The following TOX2 variants were observed in gnomAD, a reference collection of about 807,000 sequenced individuals.
TOX2 encodes TOX high mobility group box family member 2.
Under a neutral mutation model 47.4 loss-of-function variants are expected in TOX2, and 15 were observed. That is an observed-to-expected ratio of 0.32 (90% CI 0.21 to 0.49). The LOEUF (loss-of-function observed/expected upper bound fraction) is 0.49, where lower values mean the gene tolerates loss of function less well. TOX2 is among the 20% of genes least tolerant of loss of function. TOX2 has a pLI of 0.99. For missense variants in TOX2, 622 were observed against 673.1 expected (o/e 0.92, Z 0.84); for synonymous variants, 290 against 296.6 (o/e 0.98, Z 0.23).
At chr20:44,007,993 G>A (rs1046654569) in intron 3 of TOX2, among the ~76,000 whole-genome samples, 1 of 152,082 alleles carries the variant, frequency 6.6e-6, no homozygotes, top group Non-Finnish European at 1.5e-5. Context: ...CAGAGAAGAG[G>A]GTGATTACTG....
At chr20:43,968,043 G>T (rs1172911502) in intron 1 of TOX2, among the ~76,000 whole-genome samples, 2 of 152,014 alleles carry the variant, frequency 1.3e-5, no homozygotes, top group Admixed American at 6.5e-5. Context: ...TATTTCTGTT[G>T]GACAGTGCTA....
intron 8 of TOX2, among the ~76,000 whole-genome samples, chr20:44,067,581 T>G (rs77829937): frequency 0.011 from 1,647 of 152,238 alleles, 25 homozygotes; most frequent in African/African-American, 0.033. Flanking sequence ...CCCTTCTCCC[T>G]GCACCCCAGT....
intron 1 of TOX2, among the ~76,000 whole-genome samples, chr20:43,932,635 T>A (rs1299436526): frequency 6.6e-6 from 1 of 152,212 alleles, no homozygotes; most frequent in African/African-American, 2.4e-5. Flanking sequence ...GGGTCTTCTC[T>A]GCACATAGGA....
chr20:44,009,035 G>C (rs1021779304), intron 3 of TOX2, among the ~76,000 whole-genome samples: 2 of 152,176 alleles, frequency 1.3e-5, no homozygotes, highest in African/African-American at 4.8e-5. Context: ...TACACCTGTG[G>C]CACAGGAGGA....
chr20:44,039,164 GA>G (rs2071291897), intron 3 of TOX2: 2 of 1,267,690 alleles, frequency 1.6e-6, no homozygotes, highest in African/African-American at 3.1e-5. Flanking sequence ...CAGAGGCTTG[GA>G]AAGAGGGTGA....
chr20:44,010,155 C>T (rs758034024), intron 3 of TOX2, among the ~76,000 whole-genome samples: 4 of 152,184 alleles, frequency 2.6e-5, no homozygotes, highest in Admixed American at 1.3e-4. Flanking sequence ...CCTTAAGTCT[C>T]ATTTACCTAA....
At chr20:43,973,617 C>T (rs1014974884) in intron 2 of TOX2, among the ~76,000 whole-genome samples, 185 bp downstream of exon 2, 9 of 152,164 alleles carry the variant, frequency 5.9e-5, no homozygotes, top group African/African-American at 1.2e-4. Flanking sequence ...CTATAGTGTT[C>T]GTAAATTAAC....
intron 1 of TOX2, among the ~76,000 whole-genome samples, chr20:43,951,445 C>T (rs4276082): frequency 0.47 from 70,744 of 151,516 alleles, 19,868 homozygotes; most frequent in South Asian, 0.63. Context: ...GGTATGGTGG[C>T]GCACACCTGT....
chr20:43,916,859 G>A lies in TOX2; in HGVS notation c.99+1869G>A, dbSNP rs2069060449. The stretch of plus-strand genomic sequence containing the variant: ...CAGGGTGGGGCTGTCCCAAATAGGG[G>A]CCTTTGGAGGCAGGACTCAGCCGAG... On this transcript the variant is annotated intron_variant, in intron 1 of 8. Coordinates refer to ENST00000341197, the MANE Select transcript of TOX2 (RefSeq NM_001098797.2). The surrounding 1 kb of genome is among the most constrained non-coding windows in gnomAD (Gnocchi z 5.0). 6.6e-5 allele frequency among the ~76,000 whole-genome samples: 10 copies of A among 152,178 alleles called. No homozygotes were observed. The South Asian group carries it at 2.1e-3, about 31-fold the overall frequency.
chr20:43,916,282 C>G lies in TOX2; in HGVS notation c.99+1292C>G. The stretch of plus-strand genomic sequence containing the variant: ...CAACCTCGCAGGCTTTTCGTCAGGC[C>G]CCTGGTAGTGGGGATGAGGCAGGAG... On this transcript the variant is annotated intron_variant, in intron 1 of 8. Transcript: ENST00000341197. The surrounding 1 kb of genome is among the most constrained non-coding windows in gnomAD (Gnocchi z 5.0). 1.0e-6 allele frequency: 1 copy of G among 958,924 alleles called. No homozygotes were observed. The highest frequency in any genetic ancestry group is 1.2e-6 in the Non-Finnish European group (1 of 805,788). 59.4% of individuals were successfully genotyped at this position (958,924 alleles called of 1,614,324 possible). A position where few individuals can be genotyped will look rare whatever the true frequency, so the allele number is the denominator to read the frequency against.
At chr20:43,966,648 G>A (rs1465800209) in intron 1 of TOX2, among the ~76,000 whole-genome samples, 1 of 152,032 alleles carries the variant, frequency 6.6e-6, no homozygotes, top group African/African-American at 2.4e-5. Context: ...CAGCTACTCA[G>A]GAGGCTGAGG....
intron 2 of TOX2, among the ~76,000 whole-genome samples, chr20:44,000,443 G>A (rs1033822130): frequency 1.3e-5 from 2 of 152,216 alleles, no homozygotes; most frequent in Non-Finnish European, 2.9e-5. Context: ...GAAGGATGGA[G>A]TGGCCATTAG....
chr20:43,990,494 C>G (rs949760641), intron 2 of TOX2, among the ~76,000 whole-genome samples: 7 of 152,212 alleles, frequency 4.6e-5, no homozygotes, highest in African/African-American at 1.4e-4. Flanking sequence ...TTTGTGGTGC[C>G]ACCACCTGGG....
chr20:43,980,635 G>A (rs1399739780), intron 2 of TOX2, among the ~76,000 whole-genome samples: 1 of 151,904 alleles, frequency 6.6e-6, no homozygotes, highest in East Asian at 1.9e-4. Context: ...GTACACCTAT[G>A]TACACACAAA....
chr20:43,999,029 G>C (rs948675015), intron 2 of TOX2, among the ~76,000 whole-genome samples: 1 of 152,106 alleles, frequency 6.6e-6, no homozygotes, highest in Non-Finnish European at 1.5e-5. Flanking sequence ...CAAAGTTCTC[G>C]GATTACAGGC....
At chr20:44,068,537 G>C in intron 8 of TOX2, 113 bp from the exon 9 acceptor site, 2 of 1,201,260 alleles carry the variant, frequency 1.7e-6, no homozygotes, top group South Asian at 1.5e-5. Context: ...TTCAGCCACA[G>C]AGGGGCAGCT....
At chr20:44,034,051 C>T (rs1033410078) in intron 3 of TOX2, among the ~76,000 whole-genome samples, 1 of 152,192 alleles carries the variant, frequency 6.6e-6, no homozygotes, top group African/African-American at 2.4e-5. Context: ...TCCAACAAGT[C>T]CCAGCCTCTG....
chr20:43,966,902 A>G (rs1028117377), intron 1 of TOX2, among the ~76,000 whole-genome samples: 1 of 152,046 alleles, frequency 6.6e-6, no homozygotes, highest in Non-Finnish European at 1.5e-5. Context: ...GAGTGAAGCG[A>G]TTGCCCAAAT....
rs1487337796 is a variant in TOX2, at chr20:44,069,401, T to G, written c.*715T>G. 6.5e-6 allele frequency: 1 copy of G among 154,850 alleles called. No individual in the cohort carries two copies. The highest frequency in any genetic ancestry group is 1.4e-5 in the Non-Finnish European group (1 of 69,564). 9.6% of individuals were successfully genotyped at this position (154,850 alleles called of 1,614,324 possible). On this transcript the variant is annotated 3_prime_UTR_variant, in exon 9 of 9. Transcript: ENST00000341197. The stretch of plus-strand genomic sequence containing the variant: ...CTCTCCTTTTAATCATGTATTCATC[T>G]ATTTTAAATTGCCGGCGACGACTTT...
Sources: gnomAD v4.1 joint callset for allele counts (sites outside exome capture counted in the v4.1 genomes callset) on GRCh38, gnomAD v4.1.1 for gene constraint, Gnocchi (gnomAD v3.1) non-coding constraint, MANE v1.5 for transcripts, NCBI Gene and HGNC (gene_info 2026-07-23, HGNC 2026-07-21) for gene names.